ANK3: variants seen among roughly 807,000 people sequenced by gnomAD.
The protein encoded by ANK3 is ankyrin 3.
Under a neutral mutation model 370.9 loss-of-function variants are expected in ANK3, and 57 were observed. The ratio of observed to expected loss-of-function variants is 0.15; its 90% confidence interval spans 0.12 to 0.19. The LOEUF is 0.19. Ranked by LOEUF, ANK3 falls within the 10% of genes least tolerant of loss-of-function variation. The probability of loss-of-function intolerance (pLI) is 1.00; values close to 1 mark genes in which losing one functional copy is unlikely to be tolerated. For synonymous variants in ANK3, 1,929 were observed against 1,946.3 expected (o/e 0.99, Z 0.23); for missense variants, 4,439 against 5,302.1 (o/e 0.84, Z 5.06).
At chr10:60,087,024 A>C in intron 29 of ANK3, 140 bp from the exon 30 acceptor site, 1 of 650,002 alleles carries the variant, frequency 1.5e-6, no homozygotes, top group Non-Finnish European at 2.5e-6. Context: ...GGTCTTTTTT[A>C]ACCTTTCTTA....
At chr10:60,468,681 TGCTTTAAAATGCA>T (rs1242942738) in intron 2 of ANK3, among the ~76,000 whole-genome samples, 2 of 151,956 alleles carry the variant, frequency 1.3e-5, no homozygotes, top group Non-Finnish European at 2.9e-5. Context: ...TGGCAGATTT[TGCTTTAAAATGCA>T]GCTTTAAAAT....
chr10:60,262,973 C>T (rs1443992454), intron 6 of ANK3, among the ~76,000 whole-genome samples: 1 of 152,108 alleles, frequency 6.6e-6, no homozygotes, highest in Non-Finnish European at 1.5e-5. Flanking sequence ...GGCACATGCT[C>T]CTTTGGGGAG....
chr10:60,240,298 A>AT (rs1219895685), intron 7 of ANK3, among the ~76,000 whole-genome samples: 5 of 100,204 alleles, frequency 5.0e-5, no homozygotes, highest in South Asian at 3.3e-4. Flanking sequence ...ATATATATAT[A>AT]TATATATATT....
chr10:60,104,502 G>C (rs542652658), intron 28 of ANK3, among the ~76,000 whole-genome samples: 1 of 151,794 alleles, frequency 6.6e-6, no homozygotes, highest in East Asian at 1.9e-4. Flanking sequence ...TGACATCTCT[G>C]AACTTCAGTT....
chr10:60,301,323 C>T lies in ANK3; in HGVS notation c.115-21684G>A, dbSNP rs534493684. Among the ~76,000 whole-genome samples the T allele has an allele frequency of 2.5e-4, 37 of 145,712 alleles. No homozygotes were observed. The South Asian group carries it at 3.3e-3, about 13-fold the overall frequency. On this transcript the variant is annotated intron_variant, in intron 1 of 43. Transcript: ENST00000280772. The stretch of plus-strand genomic sequence containing the variant: ...ATACATATATACACACATACACACA[C>T]GTGTGTATATATACATATATATACA...
intron 1 of ANK3, among the ~76,000 whole-genome samples, chr10:60,370,813 G>A (rs1336215543): frequency 6.6e-6 from 1 of 152,118 alleles, no homozygotes; most frequent in Non-Finnish European, 1.5e-5. Flanking sequence ...TTCAGCATTT[G>A]TGAGCTAGCT....
At chr10:60,291,299 A>G (rs563893807) in intron 1 of ANK3, among the ~76,000 whole-genome samples, 3 of 152,278 alleles carry the variant, frequency 2.0e-5, no homozygotes, top group Non-Finnish European at 2.9e-5. Context: ...GTATCAGGAG[A>G]GGAGAATTTG....
chr10:60,545,750 T>C (rs974636995), intron 2 of ANK3, among the ~76,000 whole-genome samples: 6 of 152,240 alleles, frequency 3.9e-5, no homozygotes, highest in Admixed American at 6.5e-5. Flanking sequence ...AATCTGGTTA[T>C]ATGATATTTA....
At chr10:60,255,681 G>A (rs1451851362) in intron 7 of ANK3, among the ~76,000 whole-genome samples, 1 of 152,126 alleles carries the variant, frequency 6.6e-6, no homozygotes, top group Non-Finnish European at 1.5e-5. Flanking sequence ...TAAGATGGAT[G>A]GTGTCATGGC....
chr10:60,687,755 T>C (rs950091340), intron 1 of ANK3, among the ~76,000 whole-genome samples: 1 of 152,222 alleles, frequency 6.6e-6, no homozygotes, highest in African/African-American at 2.4e-5. Flanking sequence ...GAAGAGATAT[T>C]ATCAGTTCTA....
At chr10:60,405,913 T>C (rs1292342273) in intron 2 of ANK3, among the ~76,000 whole-genome samples, 1 of 152,212 alleles carries the variant, frequency 6.6e-6, no homozygotes, top group Non-Finnish European at 1.5e-5. Context: ...CCTAACAGCA[T>C]GTTGGGAGAA....
intron 8 of ANK3, among the ~76,000 whole-genome samples, chr10:60,215,743 A>C (rs1371171435): frequency 2.6e-5 from 4 of 152,106 alleles, no homozygotes; most frequent in Non-Finnish European, 5.9e-5. Context: ...TGTTTTGGTT[A>C]CTGTAGCCTT....
chr10:60,604,515 G>T (rs2078104990), intron 2 of ANK3, among the ~76,000 whole-genome samples: 1 of 152,146 alleles, frequency 6.6e-6, no homozygotes, highest in Admixed American at 6.6e-5. Flanking sequence ...TAATTTGATT[G>T]CTGGCTTGTG....
At chr10:60,252,108 C>A (rs143344999) in intron 7 of ANK3, among the ~76,000 whole-genome samples, 302 of 152,302 alleles carry the variant, frequency 2.0e-3, no homozygotes, top group African/African-American at 7.0e-3. Context: ...AATAAATGAT[C>A]GTGCCTGTGT....
rs76855192 is a variant in ANK3 at position 60,074,870 on chromosome 10, G to C, written c.6011C>G (p.Ala2004Gly). Residue 2004 changes from alanine (A) to glycine (G), a missense_variant, in exon 37 of 44, where the codon GCT becomes GGT. Physicochemically the swap from Ala to Gly is moderately conservative, Grantham distance 60. Transcript: ENST00000280772. ...CAGAGATGGAGACTGGCTCGCAGCAGCTTGTTGTCTGGCTTCCCGGATTTC... is the reference window on the plus strand; with the variant it reads ...CAGAGATGGAGACTGGCTCGCAGCACCTTGTTGTCTGGCTTCCCGGATTTC... ...SEEIREARQQ[A>G]AASQSPSLPE... 2.4e-5 allele frequency: 39 copies of C among 1,613,660 alleles called. No homozygotes were observed. Among genetic ancestry groups the C allele is most frequent in the Non-Finnish European group, 3.0e-5 (35 of 1,179,936 alleles).
rs760862999 is a variant in ANK3, at chr10:60,070,132, CGTT to C, written c.10746_10748del (p.Thr3583del). On this transcript the variant is annotated inframe_deletion, in exon 37 of 44. Transcript: ENST00000280772. This position sits in a 1 kb window ranked among gnomAD's most constrained non-coding sequence, Gnocchi z 5.7. ...TTTCATCAGTTGGCGTTCTGGCTGGCGTTGTATCAGGGGTTGTTGCTGGAGAGC... is the reference window on the plus strand; with the variant it reads ...TTTCATCAGTTGGCGTTCTGGCTGGCGTATCAGGGGTTGTTGCTGGAGAGC... 6.2e-7 allele frequency: 1 copy of C among 1,614,002 alleles called. No individual in the cohort carries two copies. Among genetic ancestry groups the C allele is most frequent in the African/African-American group, 1.3e-5 (1 of 74,934 alleles).
intron 1 of ANK3, among the ~76,000 whole-genome samples, chr10:60,633,765 G>C (rs1334546151): frequency 2.0e-5 from 3 of 152,118 alleles, no homozygotes; most frequent in Non-Finnish European, 4.4e-5. Context: ...GAAATCATTG[G>C]CAGAGCAATT....
At chr10:60,466,972 A>G (rs554346437) in intron 2 of ANK3, among the ~76,000 whole-genome samples, 55 of 152,172 alleles carry the variant, frequency 3.6e-4, no homozygotes, top group Admixed American at 3.6e-3. Flanking sequence ...TTTTTGGGGG[A>G]TGAAAAAGCT....
At chr10:60,392,387 G>A (rs2132878102), upstream of ANK3, among the ~76,000 whole-genome samples, 1 of 152,256 alleles carries the variant, frequency 6.6e-6, no homozygotes, top group Non-Finnish European at 1.5e-5. Flanking sequence ...AATCTTTAAA[G>A]TACAACCAAT....
Sources: gnomAD v4.1 joint callset for allele counts (sites outside exome capture counted in the v4.1 genomes callset) on GRCh38, gnomAD v4.1.1 for gene constraint, Gnocchi (gnomAD v3.1) non-coding constraint, MANE v1.5 for transcripts, NCBI Gene and HGNC (gene_info 2026-07-23, HGNC 2026-07-21) for gene names.